Variants in LAMP2 observed in about 807,000 individuals in gnomAD.
The protein encoded by LAMP2 is lysosome-associated membrane glycoprotein 2.
A neutral mutation model predicts 25.6 loss-of-function variants in LAMP2; 4 were observed. That is an observed-to-expected ratio of 0.16 (90% CI 0.08 to 0.36). LAMP2 has a LOEUF of 0.36. LAMP2 is among the 10% of genes least tolerant of loss of function. The pLI is 1.00. For synonymous variants in LAMP2, 108 were observed against 112.7 expected (o/e 0.96, Z 0.27); for missense variants, 272 against 301.4 (o/e 0.90, Z 0.72).
chrX:120,460,937 A>C (rs373073075), intron 1 of LAMP2, among the ~76,000 whole-genome samples: 9 of 112,353 alleles, frequency 8.0e-5, no homozygotes, highest in African/African-American at 2.9e-4. Context: ...CTGGGCAACA[A>C]GAATGAAACT....
At chrX:120,435,603 T>A (rs3788943) in intron 8 of LAMP2, among the ~76,000 whole-genome samples, 32,647 of 111,113 alleles carry the variant, frequency 0.29, 4,056 homozygotes, top group Middle Eastern at 0.41. Context: ...ATGTATGAAA[T>A]ACTATGATGC....
At chrX:120,445,864 T>C (rs2058593613) in intron 6 of LAMP2, among the ~76,000 whole-genome samples, 2 of 112,205 alleles carry the variant, frequency 1.8e-5, no homozygotes, top group African/African-American at 6.5e-5. Context: ...ACTCAATAGA[T>C]GTTACCTATT....
rs1305798857 is a variant in LAMP2 at position 120,455,438 on chromosome X, C to A, written c.316G>T (p.Ala106Ser). 4.1e-6 allele frequency: 5 copies of A among 1,208,421 alleles called. No individual in the cohort carries two copies. In the African/African-American group the frequency reaches 7.0e-5, roughly 17 times the overall value. The change falls in exon 3 of 9, where the codon GCA becomes TCA. Residue 106 changes from alanine to serine, a missense_variant. Physicochemically the swap from Ala to Ser is moderately conservative, Grantham distance 99. Coordinates refer to ENST00000200639, the MANE Select transcript of LAMP2 (RefSeq NM_002294.3). Reference sequence around the variant, plus strand: ...ACGCTGTCAATTGAATAAGTAGATGCTGCCTTGGTAAAATTCGCAATCCAG... The same window carrying A: ...ACGCTGTCAATTGAATAAGTAGATGATGCCTTGGTAAAATTCGCAATCCAG... ...FSWIANFTKA[A>S]STYSIDSVSF... is the part of the protein sequence containing the mutation.
chrX:120,466,796 C>A (rs183915935), intron 1 of LAMP2, among the ~76,000 whole-genome samples: 64 of 109,966 alleles, frequency 5.8e-4, no homozygotes, highest in Non-Finnish European at 8.7e-4. Flanking sequence ...CTGCTGTACA[C>A]TGGTGAGAGG....
chrX:120,463,300 C>T (rs915138907), intron 1 of LAMP2, among the ~76,000 whole-genome samples: 2 of 111,790 alleles, frequency 1.8e-5, no homozygotes, highest in African/African-American at 6.5e-5. Flanking sequence ...ATGTTGAACA[C>T]ATGAAAAAGA....
At chrX:120,453,226 AC>A (rs1157771547) in intron 3 of LAMP2, among the ~76,000 whole-genome samples, 1 of 111,978 alleles carries the variant, frequency 8.9e-6, no homozygotes, top group Non-Finnish European at 1.9e-5. Flanking sequence ...ATACTCTCAA[AC>A]TAAGAGATTA....
rs377303143 is a variant in LAMP2 at position 120,439,141 on chromosome X, G to A, written c.1093+2589C>T. Reference sequence around the variant, plus strand: ...TTTTTTCTTTTGTAACAGAGATCACGTATTGATTAGTGTTACAGAGTCTGA... The same window carrying A: ...TTTTTTCTTTTGTAACAGAGATCACATATTGATTAGTGTTACAGAGTCTGA... On this transcript the variant is annotated intron_variant, in intron 8 of 8. Coordinates refer to ENST00000200639, the MANE Select transcript of LAMP2 (RefSeq NM_002294.3). 54 of 1,207,309 alleles carry A rather than the reference G, an allele frequency of 4.5e-5. No individual in the cohort carries two copies. Among genetic ancestry groups the A allele is most frequent in the Non-Finnish European group, 5.4e-5 (48 of 893,107 alleles).
At chrX:120,442,796 G>A (rs1422267389) in intron 6 of LAMP2, 134 bp from the exon 7 acceptor site, 1 of 533,753 alleles carries the variant, frequency 1.9e-6, no homozygotes. Context: ...AGAATAAACT[G>A]CAACTAAGTA....
intron 1 of LAMP2, among the ~76,000 whole-genome samples, chrX:120,465,285 T>C (rs1367067740): frequency 9.7e-6 from 1 of 102,849 alleles, no homozygotes; most frequent in Admixed American, 1.1e-4. Flanking sequence ...CAGAAAAGCC[T>C]CAAACCTAAA....
chrX:120,454,916 C>T (rs200783238), intron 3 of LAMP2, among the ~76,000 whole-genome samples: 56 of 64,826 alleles, frequency 8.6e-4, no homozygotes, highest in African/African-American at 1.1e-3. Context: ...TATATATATA[C>T]ACACACACAC....
chrX:120,468,809 C>G (rs1319965016), intron 1 of LAMP2, among the ~76,000 whole-genome samples: 1 of 111,244 alleles, frequency 9.0e-6, no homozygotes, highest in Non-Finnish European at 1.9e-5. Flanking sequence ...AGTGTTTTCC[C>G]CAAGTTACTC....
chrX:120,452,250 T>G (rs2147284662), intron 3 of LAMP2, among the ~76,000 whole-genome samples: 1 of 111,439 alleles, frequency 9.0e-6, no homozygotes, highest in Admixed American at 9.6e-5. Flanking sequence ...CCCCTATAAT[T>G]TAGGCCCACT....
intron 3 of LAMP2, 42 bp from the exon 4 acceptor site, chrX:120,449,170 G>A: frequency 1.4e-5 from 14 of 1,009,784 alleles, no homozygotes; most frequent in Non-Finnish European, 2.0e-5. Context: ...AAGAAGGTAG[G>A]AGAAAAGTGA....
Position 120,429,972 on chromosome X carries a change from G to A in LAMP2, c.*1351C>T, listed in dbSNP as rs1328263172. 2.7e-6 allele frequency: 2 copies of A among 753,409 alleles called. No homozygotes were observed. The highest frequency in any genetic ancestry group is 3.1e-6 in the Non-Finnish European group (2 of 638,602). The allele number at this position is 753,409 out of a possible 1,213,427, so 62.1% of individuals were successfully genotyped here. ...TTACCATTCATAAAAATGTTGCTAC[G>A]GTTCTGAGTACACAACACTCATCTC... On this transcript the variant is annotated 3_prime_UTR_variant, in exon 9 of 9. Coordinates refer to ENST00000200639, the MANE Select transcript of LAMP2 (RefSeq NM_002294.3).
intron 3 of LAMP2, among the ~76,000 whole-genome samples, chrX:120,453,052 T>A (rs1247584891): frequency 9.0e-6 from 1 of 110,931 alleles, no homozygotes; most frequent in African/African-American, 3.3e-5. Context: ...GAGCTCAATG[T>A]TTTCCAATTT....
At chrX:120,453,050 T>C (rs893744031) in intron 3 of LAMP2, among the ~76,000 whole-genome samples, 8 of 111,127 alleles carry the variant, frequency 7.2e-5, no homozygotes, top group Admixed American at 1.9e-4. Flanking sequence ...CTGAGCTCAA[T>C]GTTTTCCAAT....
At chrX:120,441,070 G>A (rs1306752773) in intron 8 of LAMP2, among the ~76,000 whole-genome samples, 1 of 112,309 alleles carries the variant, frequency 8.9e-6, no homozygotes, top group African/African-American at 3.2e-5. Context: ...AGGCTTAAAA[G>A]GACAAGTCAA....
At chrX:120,447,561 T>G (rs2058602508) in intron 5 of LAMP2, among the ~76,000 whole-genome samples, 1 of 108,467 alleles carries the variant, frequency 9.2e-6, no homozygotes, top group African/African-American at 3.4e-5. Flanking sequence ...ATACAAAAAA[T>G]TAGCCGGGCA....
chrX:120,459,907 T>G (rs1174226486), intron 1 of LAMP2, among the ~76,000 whole-genome samples: 1 of 112,285 alleles, frequency 8.9e-6, no homozygotes, highest in Non-Finnish European at 1.9e-5. Context: ...AAACAGTCGA[T>G]TCACACATAT....
Sources: gnomAD v4.1 joint callset for allele counts (sites outside exome capture counted in the v4.1 genomes callset) on GRCh38, gnomAD v4.1.1 for gene constraint, MANE v1.5 for transcripts, NCBI Gene and HGNC (gene_info 2026-07-23, HGNC 2026-07-21) for gene names.